The following OASL variants were observed in gnomAD, a reference collection of about 807,000 sequenced individuals.
The protein encoded by OASL is 2'-5'-oligoadenylate synthetase like.
In OASL, 28 loss-of-function variants were observed where a neutral mutation model predicts 35.3. That is an observed-to-expected ratio of 0.79 (90% CI 0.59 to 1.09). The LOEUF is 1.09. OASL is among the 50% of genes least tolerant of loss of function. The probability of loss-of-function intolerance (pLI) is 0.00; values close to 1 mark genes in which losing one functional copy is unlikely to be tolerated. For missense variants in OASL, 620 were observed against 635.2 expected, an observed-to-expected ratio of 0.98 and a Z score of 0.26; for synonymous variants, 252 against 254.6, an observed-to-expected ratio of 0.99 and a Z score of 0.10.
chr12:121,034,933 G>A (rs1032993820), intron 1 of OASL, among the ~76,000 whole-genome samples: 5 of 152,044 alleles, frequency 3.3e-5, no homozygotes, highest in African/African-American at 7.2e-5. Flanking sequence ...GGGATTTTTC[G>A]ATGTTTTGAG....
exon 3 of OASL, chr12:121,031,493 C>T (rs1423552849): frequency 6.2e-7 from 1 of 1,613,842 alleles, no homozygotes; most frequent in African/African-American, 1.3e-5. Flanking sequence ...GCTTAGTTGG[C>T]CGATGTTTCA....
intron 4 of OASL, among the ~76,000 whole-genome samples, chr12:121,026,944 G>C (rs74950833): frequency 0.012 from 1,840 of 152,176 alleles, 15 homozygotes; most frequent in South Asian, 0.026. Flanking sequence ...ACTCCCACCA[G>C]ATCTGGTGGA....
At chr12:121,017,996 A>G (rs560959208), downstream of OASL, among the ~76,000 whole-genome samples, 12 of 152,230 alleles carry the variant, frequency 7.9e-5, no homozygotes, top group Non-Finnish European at 1.5e-4. Context: ...TGGTTTATCT[A>G]TAATACTGCG....
chr12:121,018,323 G>A (rs1869103539), downstream of OASL, among the ~76,000 whole-genome samples: 3 of 152,026 alleles, frequency 2.0e-5, no homozygotes, highest in South Asian at 4.2e-4. Context: ...TGTTGTAACC[G>A]CTACATTGTA....
At chr12:121,026,332 T>C (rs1247382342) in intron 4 of OASL, among the ~76,000 whole-genome samples, 1 of 152,222 alleles carries the variant, frequency 6.6e-6, no homozygotes, top group Non-Finnish European at 1.5e-5. Context: ...CACTAAATAC[T>C]GTGATGTTGC....
intron 1 of OASL, among the ~76,000 whole-genome samples, chr12:121,035,324 A>T (rs999104435): frequency 3.9e-5 from 6 of 152,082 alleles, no homozygotes; most frequent in African/African-American, 1.4e-4. Flanking sequence ...CAGGAGTTCG[A>T]GATCAGCCTG....
chr12:121,029,896 C>G (rs1395117178), intron 3 of OASL, among the ~76,000 whole-genome samples: 1 of 152,088 alleles, frequency 6.6e-6, no homozygotes. Context: ...TGCCTGTAAT[C>G]TGTAAGATGT....
At chr12:121,030,998 C>T (rs1869705544) in intron 3 of OASL, among the ~76,000 whole-genome samples, 1 of 151,726 alleles carries the variant, frequency 6.6e-6, no homozygotes, top group African/African-American at 2.4e-5. Context: ...ATTAGCTGGG[C>T]ATGGTTGTGC....
chr12:121,022,085 C>CTT (rs66924657), intron 5 of OASL, among the ~76,000 whole-genome samples: 14,023 of 107,916 alleles, frequency 0.13, 1,321 homozygotes, highest in East Asian at 0.24. Context: ...AAGTTTTGTT[C>CTT]TTTTTTTTTT....
exon 4 of OASL, chr12:121,027,780 G>A: frequency 6.2e-7 from 1 of 1,614,114 alleles, no homozygotes; most frequent in Non-Finnish European, 8.5e-7. Flanking sequence ...AGCATAGAGA[G>A]GGGGCAGATT....
rs185715488 is a variant in OASL, at chr12:121,029,094, C to A, written c.658-1277G>T. Reference sequence around the variant, plus strand: ...AAAAAAAAAAAAAAAAAAAGAATTTCACTGATACATTGATATTTAGCCAGA... The same window carrying A: ...AAAAAAAAAAAAAAAAAAAGAATTTAACTGATACATTGATATTTAGCCAGA... On this transcript the variant is annotated intron_variant, in intron 3 of 5. Coordinates refer to ENST00000257570, the Ensembl canonical transcript of OASL. 3.9e-3 allele frequency among the ~76,000 whole-genome samples: 571 copies of A among 147,268 alleles called. 4 individuals carry two copies. The highest frequency in any genetic ancestry group is 0.016 in the South Asian group (73 of 4,662).
chr12:121,031,653 T>G (rs1415472900), intron 2 of OASL, 36 bp from the exon 3 acceptor site: 1 of 1,590,104 alleles, frequency 6.3e-7, no homozygotes, highest in Non-Finnish European at 8.6e-7. Flanking sequence ...AGATTGGGGA[T>G]TGAGGAAGCC....
At chr12:121,026,727 C>T (rs1869502979) in intron 4 of OASL, among the ~76,000 whole-genome samples, 2 of 151,986 alleles carry the variant, frequency 1.3e-5, no homozygotes, top group South Asian at 4.1e-4. Context: ...TTGTAGGCGC[C>T]TGTAATCTCA....
exon 6 of OASL, chr12:121,020,883 C>A: frequency 6.2e-7 from 1 of 1,614,192 alleles, no homozygotes; most frequent in East Asian, 2.2e-5. Context: ...GCACCTGCTG[C>A]TGAGAAGCTG....
At chr12:121,027,540 T>G (rs773615610) in intron 4 of OASL, 36 bp downstream of exon 4, 13 of 1,610,138 alleles carry the variant, frequency 8.1e-6, no homozygotes, top group Non-Finnish European at 1.0e-5. Flanking sequence ...TCTCTTTTTT[T>G]CTGTAAGATT....
chr12:121,030,027 C>T (rs1306661255), intron 3 of OASL, among the ~76,000 whole-genome samples: 1 of 151,916 alleles, frequency 6.6e-6, no homozygotes, highest in Non-Finnish European at 1.5e-5. Context: ...TCACCACCCC[C>T]AGCTAATTTT....
At position 121,029,097 on chromosome 12, in the gene OASL, T is replaced by G. The variant is rs372454790; in HGVS notation, c.658-1280A>C. Among the ~76,000 whole-genome samples the G allele has an allele frequency of 1.2e-4, 18 of 149,528 alleles. 2 individuals carry two copies. Among genetic ancestry groups the G allele is most frequent in the African/African-American group, 4.4e-4 (18 of 40,666 alleles). ...AAAAAAAAAAAAAAAAGAATTTCAC[T>G]GATACATTGATATTTAGCCAGAAAG... On this transcript the variant is annotated intron_variant, in intron 3 of 5. Coordinates refer to ENST00000257570, the Ensembl canonical transcript of OASL.
At chr12:121,033,437 C>G (rs181628128) in intron 2 of OASL, 24 bp downstream of exon 2, 2 of 1,599,310 alleles carry the variant, frequency 1.3e-6, no homozygotes, top group Non-Finnish European at 1.7e-6. Flanking sequence ...GTGTGTGAGT[C>G]GGGTGAGCTT....
At chr12:121,020,882 G>C in exon 6 of OASL, 5 of 1,614,200 alleles carry the variant, frequency 3.1e-6, no homozygotes, top group Non-Finnish European at 4.2e-6. Flanking sequence ...AGCACCTGCT[G>C]CTGAGAAGCT....
Sources: allele counts gnomAD v4.1 joint callset (sites outside exome capture counted in the v4.1 genomes callset), GRCh38; gene constraint gnomAD v4.1.1; transcripts MANE v1.5; gene names NCBI Gene and HGNC (gene_info 2026-07-23, HGNC 2026-07-21).